Variants in ZNF804A observed in about 807,000 individuals in gnomAD.
The protein encoded by ZNF804A is zinc finger protein 804A.
A neutral mutation model predicts 16.5 loss-of-function variants in ZNF804A; 2 were observed. The observed-to-expected ratio is 0.12, with a 90% CI of 0.05 to 0.38. The LOEUF (loss-of-function observed/expected upper bound fraction) is 0.38. Among genes scored for constraint, ZNF804A ranks in the 10% least tolerant of loss-of-function variants. The probability of loss-of-function intolerance (pLI) is 0.99; values close to 1 mark genes in which losing one functional copy is unlikely to be tolerated. For synonymous variants in ZNF804A, 534 were observed against 489.6 expected (o/e 1.09, Z -1.20); for missense variants, 1,473 against 1,390.7 (o/e 1.06, Z -0.94).
chr2:184,776,564 C>T (rs1434312917), intron 1 of ZNF804A, among the ~76,000 whole-genome samples: 1 of 150,868 alleles, frequency 6.6e-6, no homozygotes, highest in East Asian at 2.0e-4. Flanking sequence ...ATTATTCATA[C>T]CTTTTGAAGT....
At chr2:184,645,660 C>T (rs1008490480) in intron 1 of ZNF804A, among the ~76,000 whole-genome samples, 1 of 152,050 alleles carries the variant, frequency 6.6e-6, no homozygotes, top group Non-Finnish European at 1.5e-5. Flanking sequence ...TTTAATAAAA[C>T]ATTTTAGGGA....
chr2:184,776,372 G>GA (rs1183262714), intron 1 of ZNF804A, among the ~76,000 whole-genome samples: 6 of 151,310 alleles, frequency 4.0e-5, no homozygotes, highest in Admixed American at 6.6e-5. Flanking sequence ...AGTATAGATA[G>GA]AAAAAAATCT....
Position 184,599,209 on chromosome 2 carries a change from G to A in ZNF804A, c.111+139G>A. On this transcript the variant is annotated intron_variant, in intron 1 of 3. Transcript: ENST00000302277. ...TCTGGTGGGCGTGGGGTGAGAATTG[G>A]GTGTAGAAAAAGGAAGGGGTCTTAG... 4.3e-6 allele frequency: 3 copies of A among 694,894 alleles called. No individual in the cohort carries two copies. The East Asian group carries it at 8.4e-5, about 20-fold the overall frequency. 43.0% of individuals were successfully genotyped at this position (694,894 alleles called of 1,614,324 possible).
intron 1 of ZNF804A, among the ~76,000 whole-genome samples, chr2:184,694,248 T>C (rs1397857789): frequency 6.6e-6 from 1 of 151,922 alleles, no homozygotes; most frequent in African/African-American, 2.4e-5. Flanking sequence ...TGTGCTAGGC[T>C]TAGTCTTTAT....
At chr2:184,870,047 C>T (rs986778669) in intron 2 of ZNF804A, among the ~76,000 whole-genome samples, 1 of 151,878 alleles carries the variant, frequency 6.6e-6, no homozygotes, top group Non-Finnish European at 1.5e-5. Context: ...TCGATTGTAA[C>T]AATTTTAGGG....
At chr2:184,735,170 T>C (rs1693586767) in intron 1 of ZNF804A, among the ~76,000 whole-genome samples, 1 of 152,122 alleles carries the variant, frequency 6.6e-6, no homozygotes, top group South Asian at 2.1e-4. Context: ...TGATTATCTA[T>C]ATAGTTGGAT....
intron 1 of ZNF804A, among the ~76,000 whole-genome samples, chr2:184,827,198 T>C (rs1695180755): frequency 6.6e-6 from 1 of 151,490 alleles, no homozygotes; most frequent in South Asian, 2.1e-4. Context: ...CTATGGACAA[T>C]TAGTTGATCT....
chr2:184,764,168 C>T (rs1364522578), intron 1 of ZNF804A, among the ~76,000 whole-genome samples: 1 of 151,934 alleles, frequency 6.6e-6, no homozygotes, highest in Non-Finnish European at 1.5e-5. Context: ...GAACAACTTT[C>T]AAATACATAA....
At chr2:184,668,084 A>T (rs1456882198) in intron 1 of ZNF804A, among the ~76,000 whole-genome samples, 1 of 151,806 alleles carries the variant, frequency 6.6e-6, no homozygotes, top group Non-Finnish European at 1.5e-5. Flanking sequence ...ATGTAAATTT[A>T]AAAAGATCAA....
chr2:184,713,459 TA>T (rs985204439), intron 1 of ZNF804A, among the ~76,000 whole-genome samples: 8 of 150,878 alleles, frequency 5.3e-5, no homozygotes, highest in African/African-American at 7.3e-5. Context: ...ATGAACCATC[TA>T]AAAAAAAAGT....
chr2:184,628,926 A>C (rs1691555421), intron 1 of ZNF804A, among the ~76,000 whole-genome samples: 1 of 152,014 alleles, frequency 6.6e-6, no homozygotes, highest in Admixed American at 6.6e-5. Context: ...ACACACTTAT[A>C]TTTTTTGCTT....
intron 1 of ZNF804A, among the ~76,000 whole-genome samples, chr2:184,675,150 A>T (rs1281235050): frequency 6.6e-6 from 1 of 151,850 alleles, no homozygotes; most frequent in African/African-American, 2.4e-5. Context: ...ATAGATGTAG[A>T]TGCATGTGTA....
intron 1 of ZNF804A, among the ~76,000 whole-genome samples, chr2:184,754,342 A>G (rs2105760100): frequency 6.6e-6 from 1 of 152,064 alleles, no homozygotes; most frequent in East Asian, 1.9e-4. Flanking sequence ...GGGTTGATAA[A>G]TAACAATTGG....
chr2:184,717,884 C>T (rs1004656170), intron 1 of ZNF804A, among the ~76,000 whole-genome samples: 1 of 152,058 alleles, frequency 6.6e-6, no homozygotes. Context: ...GGGAAAAGCT[C>T]AAAGCTTTTC....
At chr2:184,873,790 G>A (rs972970941) in intron 2 of ZNF804A, among the ~76,000 whole-genome samples, 5 of 152,158 alleles carry the variant, frequency 3.3e-5, no homozygotes, top group East Asian at 3.9e-4. Context: ...AAAAATAAGC[G>A]ACAGTTTTAC....
chr2:184,756,352 G>C (rs1693959155), intron 1 of ZNF804A, among the ~76,000 whole-genome samples: 2 of 151,906 alleles, frequency 1.3e-5, no homozygotes, highest in Admixed American at 1.3e-4. Flanking sequence ...AAATTGCTGA[G>C]CTTGCAGGTG....
intron 1 of ZNF804A, among the ~76,000 whole-genome samples, chr2:184,726,453 GA>G (rs1315381923): frequency 6.6e-6 from 1 of 151,104 alleles, no homozygotes; most frequent in Non-Finnish European, 1.5e-5. Context: ...TTGAAATTTG[GA>G]AAAATAAAAT....
chr2:184,653,195 A>C (rs1692017110), intron 1 of ZNF804A, among the ~76,000 whole-genome samples: 1 of 152,190 alleles, frequency 6.6e-6, no homozygotes. Context: ...ATCATGTTGC[A>C]TGATTGGGAA....
Position 184,938,366 on chromosome 2 carries a change from G to A in ZNF804A, c.2970G>A (p.Glu990=). 1 of 1,614,114 alleles carries A rather than the reference G, an allele frequency of 6.2e-7. No homozygotes were observed. Among genetic ancestry groups the A allele is most frequent in the South Asian group, 1.1e-5 (1 of 91,080 alleles). Residue 990 remains glutamate, a synonymous_variant, in exon 4 of 4, where the codon GAG becomes GAA. Transcript: ENST00000302277. The stretch of plus-strand genomic sequence containing the variant: ...GAAAGATGAATGAGACACCAACTGA[G>A]TGGCTGCGTTATAATTCAGGAATCC... ...PQGKMNETPT[E]WLRYNSGILN... is the part of the protein sequence containing the mutation.
Sources: gnomAD v4.1 joint callset for allele counts (sites outside exome capture counted in the v4.1 genomes callset) on GRCh38, gnomAD v4.1.1 for gene constraint, MANE v1.5 for transcripts, NCBI Gene and HGNC (gene_info 2026-07-23, HGNC 2026-07-21) for gene names.